The following RIMS1 variants were observed in gnomAD, a reference collection of about 807,000 sequenced individuals.
RIMS1 encodes regulating synaptic membrane exocytosis 1.
A neutral mutation model predicts 214.1 loss-of-function variants in RIMS1; 83 were observed. That is an observed-to-expected ratio of 0.39 (90% CI 0.32 to 0.47). The LOEUF (loss-of-function observed/expected upper bound fraction) is 0.47, where lower values mean the gene tolerates loss of function less well. Among genes scored for constraint, RIMS1 ranks in the 20% least tolerant of loss-of-function variants. The probability of loss-of-function intolerance (pLI) is 0.99; values close to 1 mark genes in which losing one functional copy is unlikely to be tolerated. For synonymous variants in RIMS1, 793 were observed against 786.8 expected (o/e 1.01, Z -0.13); for missense variants, 2,050 against 2,161.8 (o/e 0.95, Z 1.03).
At chr6:72,349,551 T>C (rs1251221724) in intron 29 of RIMS1, among the ~76,000 whole-genome samples, 1 of 151,950 alleles carries the variant, frequency 6.6e-6, no homozygotes, top group Non-Finnish European at 1.5e-5. Flanking sequence ...TTTATCACTC[T>C]GAATTTGAAA....
chr6:71,999,902 CT>C, intron 2 of RIMS1, among the ~76,000 whole-genome samples: 1 of 152,148 alleles, frequency 6.6e-6, no homozygotes, highest in African/African-American at 2.4e-5. Context: ...TGTCATTGTA[CT>C]GTTCTGAAGA....
intron 2 of RIMS1, among the ~76,000 whole-genome samples, chr6:71,979,999 A>G (rs922394786): frequency 2.6e-5 from 4 of 152,134 alleles, no homozygotes; most frequent in Non-Finnish European, 5.9e-5. Context: ...ATAAATAAAT[A>G]TTGGCAATAT....
intron 6 of RIMS1, among the ~76,000 whole-genome samples, chr6:72,199,069 T>G (rs2051476386): frequency 6.6e-6 from 1 of 152,040 alleles, no homozygotes. Context: ...AGATTAAAAC[T>G]GGAGGTCATT....
At position 72,131,877 on chromosome 6, in the gene RIMS1, A is replaced by C. The variant is rs1462035934; in HGVS notation, c.471+31891A>C. ...TGTATAGACCCACCCCCAGGCGCATATTCTCTTTCCCAGGGATGTTCCTTG... is the reference window on the plus strand; with the variant it reads ...TGTATAGACCCACCCCCAGGCGCATCTTCTCTTTCCCAGGGATGTTCCTTG... On this transcript the variant is annotated intron_variant, in intron 4 of 33. Transcript: ENST00000521978. Among the ~76,000 whole-genome samples the C allele has an allele frequency of 2.0e-5, 3 of 152,270 alleles. No individual in the cohort carries two copies. In the East Asian group the frequency reaches 5.8e-4, roughly 29 times the overall value.
chr6:72,197,905 GA>G (rs1282228797), intron 6 of RIMS1, among the ~76,000 whole-genome samples: 2 of 151,966 alleles, frequency 1.3e-5, no homozygotes, highest in Non-Finnish European at 1.5e-5. Context: ...AGGAAAAGGG[GA>G]AAAATGTATA....
intron 2 of RIMS1, among the ~76,000 whole-genome samples, chr6:72,062,946 C>A (rs1259331713): frequency 6.6e-6 from 1 of 152,138 alleles, no homozygotes; most frequent in Non-Finnish European, 1.5e-5. Context: ...CTCTAATAAT[C>A]TCGTTTTAAC....
chr6:72,272,666 A>G (rs2084030698), intron 22 of RIMS1, among the ~76,000 whole-genome samples: 1 of 152,102 alleles, frequency 6.6e-6, no homozygotes, highest in Non-Finnish European at 1.5e-5. Flanking sequence ...AATAAGCACA[A>G]GGACTGGAAT....
chr6:72,318,186 G>T (rs918225500), intron 28 of RIMS1, among the ~76,000 whole-genome samples: 3 of 151,968 alleles, frequency 2.0e-5, no homozygotes, highest in African/African-American at 7.2e-5. Context: ...CATTTAATTG[G>T]CTAGCTTATC....
At chr6:71,914,601 A>G (rs1777806335) in intron 1 of RIMS1, among the ~76,000 whole-genome samples, 1 of 152,184 alleles carries the variant, frequency 6.6e-6, no homozygotes, top group African/African-American at 2.4e-5. Flanking sequence ...AGTAATTCAG[A>G]TATGTTTATA....
chr6:72,113,030 C>T (rs897621843), intron 4 of RIMS1, among the ~76,000 whole-genome samples: 1 of 152,096 alleles, frequency 6.6e-6, no homozygotes, highest in South Asian at 2.1e-4. Flanking sequence ...AGAATCCCAA[C>T]AGGCAAAGCC....
At chr6:72,031,577 G>A (rs1818116910) in intron 2 of RIMS1, among the ~76,000 whole-genome samples, 1 of 152,024 alleles carries the variant, frequency 6.6e-6, no homozygotes, top group Non-Finnish European at 1.5e-5. Context: ...GGAAATAGTT[G>A]GATAGGAAAA....
At chr6:72,341,777 G>A (rs1263494308) in intron 29 of RIMS1, among the ~76,000 whole-genome samples, 1 of 151,802 alleles carries the variant, frequency 6.6e-6, no homozygotes, top group Non-Finnish European at 1.5e-5. Flanking sequence ...AAGGATCTAA[G>A]TCCCTAGGAT....
chr6:72,279,738 A>C (rs1228427849), intron 23 of RIMS1, among the ~76,000 whole-genome samples: 2 of 152,034 alleles, frequency 1.3e-5, no homozygotes, highest in Non-Finnish European at 2.9e-5. Context: ...ACTTAAGCAC[A>C]TAGGGGTGTG....
intron 2 of RIMS1, among the ~76,000 whole-genome samples, chr6:72,016,447 G>A (rs1479889310): frequency 6.6e-6 from 1 of 152,098 alleles, no homozygotes; most frequent in Non-Finnish European, 1.5e-5. Context: ...TTTGTTTCTT[G>A]GGGCAGCTGG....
chr6:71,966,025 G>A (rs931556120), intron 1 of RIMS1, among the ~76,000 whole-genome samples: 3 of 152,174 alleles, frequency 2.0e-5, no homozygotes, highest in Non-Finnish European at 2.9e-5. Flanking sequence ...GTTTCCATAT[G>A]TTAAAACGGT....
At chr6:72,016,902 A>G (rs1812940381) in intron 2 of RIMS1, among the ~76,000 whole-genome samples, 7 of 152,236 alleles carry the variant, frequency 4.6e-5, no homozygotes, top group Admixed American at 4.6e-4. Context: ...TGTACCATTG[A>G]CATGGGACCC....
intron 23 of RIMS1, 63 bp downstream of exon 23, chr6:72,274,495 G>A: frequency 7.8e-7 from 1 of 1,274,518 alleles, no homozygotes. Flanking sequence ...ACCAACTGAA[G>A]GATAACCAAG....
intron 29 of RIMS1, among the ~76,000 whole-genome samples, chr6:72,375,663 G>A (rs1034123741): frequency 6.6e-6 from 1 of 152,114 alleles, no homozygotes; most frequent in African/African-American, 2.4e-5. Flanking sequence ...TTTCTATGAT[G>A]ACAGAATCTC....
intron 4 of RIMS1, among the ~76,000 whole-genome samples, chr6:72,137,991 C>T (rs2041573518): frequency 6.6e-6 from 1 of 152,070 alleles, no homozygotes; most frequent in South Asian, 2.1e-4. Flanking sequence ...CCGCCTTGGC[C>T]TCCCCAAGTG....
Sources: gnomAD v4.1 joint callset for allele counts (sites outside exome capture counted in the v4.1 genomes callset) on GRCh38, gnomAD v4.1.1 for gene constraint, MANE v1.5 for transcripts, NCBI Gene and HGNC (gene_info 2026-07-23, HGNC 2026-07-21) for gene names.